The following ACCSL variants were observed in gnomAD, a reference collection of about 807,000 sequenced individuals.
ACCSL encodes 1-aminocyclopropane-1-carboxylate synthase homolog (inactive) like.
In ACCSL, 55 loss-of-function variants were observed where a neutral mutation model predicts 61.7. The observed-to-expected ratio is 0.89, with a 90% CI of 0.72 to 1.12. The LOEUF is 1.12. ACCSL is among the 50% of genes most tolerant of loss of function. ACCSL has a pLI of 0.00. For missense variants in ACCSL, 632 were observed against 698.0 expected (o/e 0.91, Z 1.07); for synonymous variants, 258 against 264.3 (o/e 0.98, Z 0.23).
the ACCSL span, among the ~76,000 whole-genome samples, chr11:43,961,983 G>C: frequency 6.6e-6 from 1 of 152,224 alleles, no homozygotes; most frequent in African/African-American, 2.4e-5. Context: ...ACACTGTGGA[G>C]TGTACTTTCT....
upstream of ACCSL, among the ~76,000 whole-genome samples, chr11:44,046,445 G>T (rs769462317): frequency 2.0e-5 from 3 of 152,086 alleles, no homozygotes; most frequent in Non-Finnish European, 4.4e-5. Flanking sequence ...TATGTTAGTT[G>T]CCCATGTGCC....
chr11:43,996,105 C>T, the ACCSL span, among the ~76,000 whole-genome samples: 2 of 152,154 alleles, frequency 1.3e-5, no homozygotes, highest in African/African-American at 4.8e-5. Context: ...TCCCAGAAGC[C>T]AGGGGAAAGG....
the ACCSL span, among the ~76,000 whole-genome samples, chr11:43,971,284 C>CAAAAA: frequency 2.9e-5 from 4 of 137,634 alleles, no homozygotes; most frequent in South Asian, 2.3e-4. Flanking sequence ...GACTCTGTCT[C>CAAAAA]AAAAAAAAAA....
At chr11:44,008,791 C>A in the ACCSL span, among the ~76,000 whole-genome samples, 1 of 152,360 alleles carries the variant, frequency 6.6e-6, no homozygotes, top group Non-Finnish European at 1.5e-5. Flanking sequence ...GAGCACATCA[C>A]CTGCATCAGG....
chr11:43,992,226 AT>A, the ACCSL span, among the ~76,000 whole-genome samples: 129,800 of 151,322 alleles, frequency 0.86, 55,812 homozygotes, highest in African/African-American at 0.92. Flanking sequence ...TAATTTTTGT[AT>A]TTTTTTTGTT....
chr11:43,967,167 C>CTTTTTTTTTTTTTTT, the ACCSL span, among the ~76,000 whole-genome samples: 40 of 62,692 alleles, frequency 6.4e-4, 7 homozygotes, highest in African/African-American at 9.5e-4. Context: ...TCTTCTTCTT[C>CTTTTTTTTTTTTTTT]TTTTTTTTTT....
chr11:44,036,662 A>T, the ACCSL span, among the ~76,000 whole-genome samples: 8 of 151,862 alleles, frequency 5.3e-5, no homozygotes, highest in African/African-American at 1.9e-4. Context: ...CACACATGTA[A>T]TCCCAGCTAC....
chr11:43,957,822 C>A, the ACCSL span, among the ~76,000 whole-genome samples: 3 of 152,172 alleles, frequency 2.0e-5, no homozygotes, highest in Non-Finnish European at 4.4e-5. Flanking sequence ...GGGGGTGTAA[C>A]AAGGCATGTG....
chr11:44,049,752 C>T lies in ACCSL; in HGVS notation c.505-310C>T, dbSNP rs12224246. Among the ~76,000 whole-genome samples, 826 of 152,304 alleles carry T rather than the reference C, an allele frequency of 5.4e-3. 7 individuals carry two copies. Among genetic ancestry groups the T allele is most frequent in the East Asian group, 0.032 (166 of 5,182 alleles). ...ACTTTTCTAAACTTCACTCTTTAAA[C>T]TGGATTATATAGAACCTTCTTTTCA... On this transcript the variant is annotated intron_variant, in intron 1 of 13. Coordinates refer to ENST00000378832, the MANE Select transcript of ACCSL (RefSeq NM_001031854.2).
chr11:43,926,540 C>G, the ACCSL span: 2 of 454,876 alleles, frequency 4.4e-6, no homozygotes, highest in Non-Finnish European at 8.8e-6. Context: ...GATTGTGGGT[C>G]AGATGCGGTG....
chr11:44,009,349 T>G, the ACCSL span, among the ~76,000 whole-genome samples: 19 of 152,232 alleles, frequency 1.2e-4, no homozygotes, highest in Non-Finnish European at 2.8e-4. Flanking sequence ...AGGGTTCTAC[T>G]GTTGCCAGGT....
At chr11:43,994,717 C>G in the ACCSL span, among the ~76,000 whole-genome samples, 1 of 152,110 alleles carries the variant, frequency 6.6e-6, no homozygotes, top group African/African-American at 2.4e-5. Context: ...ACTGCAGCCT[C>G]AACTTCCCAG....
chr11:43,926,365 C>A, the ACCSL span: 1 of 336,412 alleles, frequency 3.0e-6, no homozygotes, highest in Non-Finnish European at 5.9e-6. Flanking sequence ...GTTTCCTAGC[C>A]TGGCAAGGGT....
At chr11:43,923,261 A>G in the ACCSL span, among the ~76,000 whole-genome samples, 1 of 152,170 alleles carries the variant, frequency 6.6e-6, no homozygotes, top group Non-Finnish European at 1.5e-5. Flanking sequence ...CCTGCTGGGA[A>G]TATTTCTTCT....
the ACCSL span, among the ~76,000 whole-genome samples, chr11:43,975,295 C>T: frequency 7.9e-5 from 12 of 152,036 alleles, no homozygotes; most frequent in Admixed American, 2.0e-4. Flanking sequence ...TAAGCCTCTC[C>T]GGATGCAAAC....
At chr11:43,956,320 A>T in the ACCSL span, among the ~76,000 whole-genome samples, 1 of 152,184 alleles carries the variant, frequency 6.6e-6, no homozygotes, top group Admixed American at 6.5e-5. Flanking sequence ...CTTTAGGCTG[A>T]ACTTAAATAT....
the ACCSL span, chr11:43,995,105 C>T: frequency 6.6e-6 from 1 of 152,144 alleles, no homozygotes; most frequent in East Asian, 1.9e-4. Context: ...AACACTCTTC[C>T]TAGGGTGGGG....
chr11:44,025,358 T>TA, the ACCSL span, among the ~76,000 whole-genome samples: 1 of 152,154 alleles, frequency 6.6e-6, no homozygotes, highest in Admixed American at 6.5e-5. Context: ...CCCTGGGAAT[T>TA]ACAATTAATA....
the ACCSL span, chr11:43,943,494 T>A: frequency 1.5e-6 from 2 of 1,378,342 alleles, no homozygotes; most frequent in Non-Finnish European, 1.9e-6. The surrounding 1 kb of genome is among the most constrained non-coding windows in gnomAD (Gnocchi z 4.8). Context: ...GCTTTCCTCG[T>A]CCTTGTAAAT....
Sources: allele counts gnomAD v4.1 joint callset (sites outside exome capture counted in the v4.1 genomes callset), GRCh38; gene constraint gnomAD v4.1.1; non-coding constraint Gnocchi (gnomAD v3.1); transcripts MANE v1.5; gene names NCBI Gene and HGNC (gene_info 2026-07-23, HGNC 2026-07-21).